FSIP1: variants seen among roughly 807,000 people sequenced by gnomAD.
FSIP1 encodes fibrous sheath-interacting protein 1.
Under a neutral mutation model 60.9 loss-of-function variants are expected in FSIP1, and 65 were observed. The observed-to-expected ratio is 1.07, with a 90% CI of 0.87 to 1.31. The LOEUF (loss-of-function observed/expected upper bound fraction) is 1.31. Ranked by LOEUF, FSIP1 falls within the 40% of genes most tolerant of loss-of-function variation. The pLI, the probability that FSIP1 is intolerant of heterozygous loss-of-function variation, is 0.00. For synonymous variants in FSIP1, 209 were observed against 221.2 expected (o/e 0.94, Z 0.49); for missense variants, 675 against 665.5 (o/e 1.01, Z -0.16).
In FSIP1 at chr15:39,721,297, T is replaced by C. The variant is rs575698264; in HGVS notation, c.1050+5292A>G. Among the ~76,000 whole-genome samples the C allele has an allele frequency of 7.2e-5, 11 of 152,356 alleles. No homozygotes were observed. In the South Asian group the frequency reaches 2.1e-3, roughly 29 times the overall value. ...ATACAGAGATAAGTCAGAAAGTCTA[T>C]GTTTCAACTTGTTCAGAAAACTGTT... On this transcript the variant is annotated intron_variant, in intron 9 of 11. Coordinates refer to ENST00000350221, the MANE Select transcript of FSIP1 (RefSeq NM_152597.5).
intron 10 of FSIP1, among the ~76,000 whole-genome samples, chr15:39,686,603 C>A (rs1894381702): frequency 6.6e-6 from 1 of 152,232 alleles, no homozygotes; most frequent in Non-Finnish European, 1.5e-5. Flanking sequence ...ACTGAAAAAA[C>A]AAATGGTGGC....
intron 8 of FSIP1, among the ~76,000 whole-genome samples, chr15:39,730,501 C>T (rs779532046): frequency 7.9e-5 from 12 of 152,150 alleles, no homozygotes; most frequent in Non-Finnish European, 1.8e-4. Context: ...TTTGATTTCA[C>T]GATGTTAATA....
chr15:39,775,184 T>A (rs1044132200), intron 2 of FSIP1, among the ~76,000 whole-genome samples: 1 of 152,136 alleles, frequency 6.6e-6, no homozygotes, highest in African/African-American at 2.4e-5. Context: ...TCCTGCTAAT[T>A]TTTTTAATTT....
At chr15:39,680,690 A>T (rs147155720) in intron 10 of FSIP1, among the ~76,000 whole-genome samples, 1 of 152,352 alleles carries the variant, frequency 6.6e-6, no homozygotes, top group East Asian at 1.9e-4. Context: ...CCATGTAGAT[A>T]GTAGGGAAAT....
At chr15:39,763,524 A>C (rs1897576154) in intron 5 of FSIP1, among the ~76,000 whole-genome samples, 1 of 152,154 alleles carries the variant, frequency 6.6e-6, no homozygotes, top group Admixed American at 6.5e-5. Flanking sequence ...GTGGGGTCTA[A>C]AGACACCTAA....
At chr15:39,649,304 A>C (rs1239324802) in intron 10 of FSIP1, among the ~76,000 whole-genome samples, 2 of 152,210 alleles carry the variant, frequency 1.3e-5, no homozygotes, top group Non-Finnish European at 2.9e-5. Context: ...AGAGTAATTT[A>C]TCCTAAATTT....
intron 9 of FSIP1, among the ~76,000 whole-genome samples, chr15:39,719,215 CA>C (rs144835688): frequency 0.12 from 18,030 of 152,196 alleles, 1,298 homozygotes; most frequent in African/African-American, 0.2. Flanking sequence ...AACAAAGTGC[CA>C]ACCAGTACTA....
chr15:39,646,056 T>G (rs970754752), intron 10 of FSIP1, among the ~76,000 whole-genome samples: 1 of 152,124 alleles, frequency 6.6e-6, no homozygotes, highest in Non-Finnish European at 1.5e-5. Context: ...ATAAAAGCTC[T>G]GTACTCAGCC....
Position 39,737,968 on chromosome 15 carries a change from A to T in FSIP1, c.891+123T>A, listed in dbSNP as rs192294446. On this transcript the variant is annotated intron_variant, in intron 8 of 11. Coordinates refer to ENST00000350221, the MANE Select transcript of FSIP1 (RefSeq NM_152597.5). ...TGTGTTAGTAAAACAGGGTTTTTTTAAAATCAAAGAATAATGTCTCAGAAT... is the reference window on the plus strand; with the variant it reads ...TGTGTTAGTAAAACAGGGTTTTTTTTAAATCAAAGAATAATGTCTCAGAAT... 566 of 593,810 alleles carry T rather than the reference A, an allele frequency of 9.5e-4. 2 individuals carry two copies. Among genetic ancestry groups the T allele is most frequent in the African/African-American group, 6.4e-3 (337 of 52,696 alleles). The allele number at this position is 593,810 out of a possible 1,614,324, so 36.8% of individuals were successfully genotyped here. A position where few individuals can be genotyped will look rare whatever the true frequency, so the allele number is the denominator to read the frequency against.
At chr15:39,622,242 A>G (rs943770719) in intron 10 of FSIP1, among the ~76,000 whole-genome samples, 2 of 152,216 alleles carry the variant, frequency 1.3e-5, no homozygotes, top group Non-Finnish European at 2.9e-5. Context: ...ACAAGTTATT[A>G]TTCATACTAT....
At chr15:39,690,840 C>A (rs1174168178) in intron 10 of FSIP1, among the ~76,000 whole-genome samples, 1 of 152,214 alleles carries the variant, frequency 6.6e-6, no homozygotes, top group Non-Finnish European at 1.5e-5. Context: ...CAGGCTCAGC[C>A]ACAAGCCCTC....
intron 5 of FSIP1, among the ~76,000 whole-genome samples, chr15:39,742,218 C>T (rs893890966): frequency 6.6e-6 from 1 of 152,158 alleles, no homozygotes; most frequent in African/African-American, 2.4e-5. Context: ...GCATCCAAAT[C>T]TTGATGTTCA....
intron 10 of FSIP1, among the ~76,000 whole-genome samples, chr15:39,622,468 T>C (rs1891474266): frequency 6.6e-6 from 1 of 152,208 alleles, no homozygotes; most frequent in African/African-American, 2.4e-5. Flanking sequence ...AAGAATAGAA[T>C]ACACATGCAG....
chr15:39,770,432 C>T lies in FSIP1; in HGVS notation c.305G>A (p.Cys102Tyr), dbSNP rs751653913. Residue 102 changes from cysteine (C) to tyrosine (Y), a missense_variant, in exon 3 of 12, where the codon TGT becomes TAT. Transcript: ENST00000350221. ...TCACCTAGTGATTATCCTACCTGAA[C>T]ACTCAGAGATTATCTGATGTTGAAC... is the stretch of plus-strand genomic sequence containing the variant. Reference protein sequence around the residue: ...DLVQHQIISECSDEPKLKELD... With the variant: ...DLVQHQIISEYSDEPKLKELD... The T allele has an allele frequency of 1.2e-5, 19 of 1,586,370 alleles. No individual in the cohort carries two copies. Among genetic ancestry groups the T allele is most frequent in the Middle Eastern group, 1.7e-4 (1 of 5,974 alleles).
intron 1 of FSIP1, among the ~76,000 whole-genome samples, chr15:39,778,251 C>T (rs1038862380): frequency 1.3e-5 from 2 of 152,172 alleles, no homozygotes; most frequent in Non-Finnish European, 2.9e-5. Context: ...AGACTTATTA[C>T]AGCTTGCAGA....
At chr15:39,619,859 G>GA (rs976122932) in intron 10 of FSIP1, among the ~76,000 whole-genome samples, 10 of 151,690 alleles carry the variant, frequency 6.6e-5, no homozygotes, top group Admixed American at 3.9e-4. Context: ...TTAGACACTA[G>GA]AAAAAAAATC....
At chr15:39,676,128 G>A (rs889268501) in intron 10 of FSIP1, among the ~76,000 whole-genome samples, 5 of 142,318 alleles carry the variant, frequency 3.5e-5, no homozygotes, top group Admixed American at 7.4e-5. Flanking sequence ...AGCCAAAATC[G>A]CGCCACTGCA....
intron 10 of FSIP1, among the ~76,000 whole-genome samples, chr15:39,698,662 G>A (rs1894925200): frequency 6.6e-6 from 1 of 152,172 alleles, no homozygotes; most frequent in Admixed American, 6.5e-5. Context: ...GAGCAGTGGA[G>A]TGGCGTTATA....
At chr15:39,683,999 G>T (rs918369009) in intron 10 of FSIP1, among the ~76,000 whole-genome samples, 6 of 152,156 alleles carry the variant, frequency 3.9e-5, no homozygotes, top group African/African-American at 1.4e-4. Flanking sequence ...GCATAATAAA[G>T]CCATCTGTTC....
Sources: gnomAD v4.1 joint callset for allele counts (sites outside exome capture counted in the v4.1 genomes callset) on GRCh38, gnomAD v4.1.1 for gene constraint, MANE v1.5 for transcripts, NCBI Gene and HGNC (gene_info 2026-07-23, HGNC 2026-07-21) for gene names.